SPAG8: variants seen among roughly 807,000 people sequenced by gnomAD.
SPAG8 encodes the protein sperm associated antigen 8, also known as sperm-associated antigen 8.
A neutral mutation model predicts 45.3 loss-of-function variants in SPAG8; 36 were observed. The observed-to-expected ratio is 0.80, with a 90% CI of 0.61 to 1.05. The LOEUF (loss-of-function observed/expected upper bound fraction) is 1.05. SPAG8 is among the 50% of genes least tolerant of loss of function. The pLI is 0.00. For synonymous variants in SPAG8, 227 were observed against 232.6 expected (o/e 0.98, Z 0.22); for missense variants, 573 against 609.2 (o/e 0.94, Z 0.63).
Position 35,811,786 on chromosome 9 carries a change from G to A in SPAG8, c.260C>T (p.Ser87Phe). 1 of 1,614,218 alleles carries A rather than the reference G, an allele frequency of 6.2e-7. No homozygotes were observed. Among genetic ancestry groups the A allele is most frequent in the South Asian group, 1.1e-5 (1 of 91,084 alleles). The change falls in exon 2 of 7, where the codon TCC becomes TTC. Residue 87 changes from serine (S) to phenylalanine (F), a missense_variant. Physicochemically the swap from Ser to Phe is radical, Grantham distance 155. Coordinates refer to ENST00000396638, the MANE Select transcript of SPAG8 (RefSeq NM_001039592.2). Reference protein sequence around the residue: ...PAPCSEFMEPSSDPSLLGEPC... With the variant: ...PAPCSEFMEPFSDPSLLGEPC... ...CTCCCCAAGAAGGCTGGGGTCAGAG[G>A]ACGGCTCCATGAACTCAGAACAGGG...
At chr9:35,808,968 C>A, downstream of SPAG8, 2 of 935,198 alleles carry the variant, frequency 2.1e-6, no homozygotes, top group Non-Finnish European at 3.5e-6. This position sits in a 1 kb window ranked among gnomAD's most constrained non-coding sequence, Gnocchi z 4.0. Flanking sequence ...AGTGTCGCAT[C>A]CTCGGGCATA....
Position 35,812,080 on chromosome 9 carries a change from T to G in SPAG8, c.44+24A>C. ...CTGACCTTCCTCGTCCCCTTATGCC[T>G]GCAGCCAGAGCTGCGGCTCTCACCG... On this transcript the variant is annotated intron_variant, in intron 1 of 6. Coordinates refer to ENST00000396638, the MANE Select transcript of SPAG8 (RefSeq NM_001039592.2). The G allele has an allele frequency of 1.2e-6, 2 of 1,612,298 alleles. 1 individual carries two copies. Among genetic ancestry groups the G allele is most frequent in the Non-Finnish European group, 1.7e-6 (2 of 1,179,850 alleles).
downstream of SPAG8, chr9:35,808,910 C>T (rs1471097977): frequency 1.8e-6 from 2 of 1,123,040 alleles, no homozygotes; most frequent in East Asian, 2.3e-5. This position sits in a 1 kb window ranked among gnomAD's most constrained non-coding sequence, Gnocchi z 4.0. Flanking sequence ...CCCTTTTCTT[C>T]TTTTCATAAT....
intron 5 of SPAG8, 52 bp from the exon 6 acceptor site, chr9:35,810,361 C>T: frequency 6.2e-7 from 1 of 1,612,852 alleles, no homozygotes; most frequent in South Asian, 1.1e-5. Flanking sequence ...CTCTCTCAAC[C>T]TCTGGGCTTG....
At position 35,811,173 on chromosome 9, in the gene SPAG8, C is replaced by T; in HGVS notation, c.864+9G>A. 6.4e-7 allele frequency: 1 copy of T among 1,558,994 alleles called. No individual in the cohort carries two copies. Among genetic ancestry groups the T allele is most frequent in the Non-Finnish European group, 8.7e-7 (1 of 1,153,862 alleles). ...TTCAAGAAAAGGGAGCAGGCCAAAACTTTAATACCTCTTCCTCCCAGTTGT... is the reference window on the plus strand; with the variant it reads ...TTCAAGAAAAGGGAGCAGGCCAAAATTTTAATACCTCTTCCTCCCAGTTGT... On this transcript the variant is annotated intron_variant, in intron 2 of 6. Coordinates refer to ENST00000396638, the MANE Select transcript of SPAG8 (RefSeq NM_001039592.2).
rs143976174 is a variant in SPAG8, at chr9:35,811,882, G to A, written c.164C>T (p.Ala55Val). Residue 55 changes from alanine to valine, a missense_variant, in exon 2 of 7, where the codon GCA becomes GTA. Transcript: ENST00000396638. ...GGCTGCAGTAGCTGCAGCAGCTGAT[G>A]CAGCCGCTGCAGCTGCTGCGGTTGC... The part of the protein sequence containing the change: ...AAATAAAAAA[A>V]SAAAATAAFT... 5.0e-5 allele frequency: 80 copies of A among 1,608,596 alleles called. No homozygotes were observed. Among genetic ancestry groups the A allele is most frequent in the Non-Finnish European group, 6.6e-5 (78 of 1,176,718 alleles).
Position 35,810,420 on chromosome 9 carries a change from A to C in SPAG8, c.1200+19T>G. 1 of 798,698 alleles carries C rather than the reference A, an allele frequency of 1.3e-6. No homozygotes were observed. The highest frequency in any genetic ancestry group is 2.1e-6 in the Non-Finnish European group (1 of 486,900). The allele number at this position is 798,698 out of a possible 1,614,324, so 49.5% of individuals were successfully genotyped here. The stretch of plus-strand genomic sequence containing the variant: ...GCCCAGCTGGTGCAAGTGGCGGGGG[A>C]TGGGGGGTGGGTTCTCACCTTTGTT... On this transcript the variant is annotated intron_variant, in intron 5 of 6. Transcript: ENST00000396638.
rs1408379884 is a variant in SPAG8 at position 35,810,873 on chromosome 9, C to A, written c.1039+10G>T. The A allele has an allele frequency of 6.2e-6, 10 of 1,610,900 alleles. No homozygotes were observed. Among genetic ancestry groups the A allele is most frequent in the Non-Finnish European group, 8.5e-6 (10 of 1,178,600 alleles). ...GGGCTCGTTCTGGCCTACCCTCTCA[C>A]ATTTCACACCTCGAAGTGGCCAATA... is the stretch of plus-strand genomic sequence containing the variant. On this transcript the variant is annotated intron_variant, in intron 3 of 6. Transcript: ENST00000396638.
At chr9:35,808,910 C>A, downstream of SPAG8, 1 of 1,123,158 alleles carries the variant, frequency 8.9e-7, no homozygotes, top group Non-Finnish European at 1.4e-6. This position sits in a 1 kb window ranked among gnomAD's most constrained non-coding sequence, Gnocchi z 4.0. Context: ...CCCTTTTCTT[C>A]TTTTCATAAT....
chr9:35,811,719 C>T lies in SPAG8; in HGVS notation c.327G>A (p.Gly109=), dbSNP rs1828812209. 3.1e-6 allele frequency: 5 copies of T among 1,614,238 alleles called. No individual in the cohort carries two copies. Among genetic ancestry groups the T allele is most frequent in the Non-Finnish European group, 4.2e-6 (5 of 1,180,044 alleles). ...CATAGACGGGCTCAAAGCCAAGACT[C>T]CCATGGGCTATATTGTGGGTAAAGC... ...GPGFTHNIAH[G]SLGFEPVYVS... The change falls in exon 2 of 7, where the codon GGG becomes GGA. Residue 109 remains glycine (G), a synonymous_variant. Coordinates refer to ENST00000396638, the MANE Select transcript of SPAG8 (RefSeq NM_001039592.2).
Position 35,809,984 on chromosome 9 carries a change from G to A in SPAG8, c.1412C>T (p.Pro471Leu). 3 of 1,605,004 alleles carry A rather than the reference G, an allele frequency of 1.9e-6. No homozygotes were observed. Among genetic ancestry groups the A allele is most frequent in the Non-Finnish European group, 1.7e-6 (2 of 1,175,450 alleles). ...QLGEISSLPC[P>L]GGRLGGGGGR... is the part of the protein sequence containing the mutation. ...CCCTCCACCACCCAGCCTTCCTCCG[G>A]GACAGGGAAGGGAAGATATTTCTCC... The change falls in exon 7 of 7, where the codon CCC (proline) becomes CTC (leucine). Residue 471 changes from proline to leucine, a missense_variant. Coordinates refer to ENST00000396638, the MANE Select transcript of SPAG8 (RefSeq NM_001039592.2). This position sits in a 1 kb window ranked among gnomAD's most constrained non-coding sequence, Gnocchi z 4.1.
downstream of SPAG8, chr9:35,809,238 G>A (rs5818): frequency 6.2e-7 from 1 of 1,613,962 alleles, no homozygotes; most frequent in Non-Finnish European, 8.5e-7. This position sits in a 1 kb window ranked among gnomAD's most constrained non-coding sequence, Gnocchi z 4.1. Flanking sequence ...GGGGGGATGT[G>A]GAAATGAAGG....
chr9:35,808,367 C>A, downstream of SPAG8: 3 of 1,412,748 alleles, frequency 2.1e-6, no homozygotes, highest in Non-Finnish European at 3.0e-6. The surrounding 1 kb of genome is among the most constrained non-coding windows in gnomAD (Gnocchi z 4.0). Context: ...AGACTCAGGA[C>A]CATGGCACTT....
downstream of SPAG8, chr9:35,808,294 T>C (rs746085961): frequency 6.2e-7 from 1 of 1,609,600 alleles, no homozygotes. This position sits in a 1 kb window ranked among gnomAD's most constrained non-coding sequence, Gnocchi z 4.0. Context: ...GTTTACTGAG[T>C]ATTCACCAGG....
chr9:35,809,508 C>T (rs1329651729), downstream of SPAG8: 1 of 1,613,220 alleles, frequency 6.2e-7, no homozygotes, highest in Admixed American at 1.7e-5. This position sits in a 1 kb window ranked among gnomAD's most constrained non-coding sequence, Gnocchi z 4.1. Flanking sequence ...CAATGGCCAC[C>T]ATGTCTGCAC....
downstream of SPAG8, chr9:35,808,713 C>A (rs1320990730): frequency 1.2e-6 from 2 of 1,612,512 alleles, no homozygotes; most frequent in African/African-American, 2.7e-5. This position sits in a 1 kb window ranked among gnomAD's most constrained non-coding sequence, Gnocchi z 4.0. Flanking sequence ...CAGCCCTAGT[C>A]TCCACCTTTC....
At chr9:35,811,080 C>G in intron 2 of SPAG8, 23 bp from the exon 3 acceptor site, 1 of 1,605,390 alleles carries the variant, frequency 6.2e-7, no homozygotes, top group East Asian at 2.2e-5. Context: ...AGTTGAATGA[C>G]TATAATATCC....
At position 35,809,814 on chromosome 9, in the gene SPAG8, G is replaced by C; in HGVS notation, c.*124C>G. ...ACAGAATCACTAAATTAGCAGTCTTGGGATGAGAGAGAACCCTTTATGTAA... is the reference window on the plus strand; with the variant it reads ...ACAGAATCACTAAATTAGCAGTCTTCGGATGAGAGAGAACCCTTTATGTAA... On this transcript the variant is annotated 3_prime_UTR_variant, in exon 7 of 7. Coordinates refer to ENST00000396638, the MANE Select transcript of SPAG8 (RefSeq NM_001039592.2). This position sits in a 1 kb window ranked among gnomAD's most constrained non-coding sequence, Gnocchi z 4.1. The C allele has an allele frequency of 6.5e-7, 1 of 1,547,458 alleles. No homozygotes were observed. Among genetic ancestry groups the C allele is most frequent in the Non-Finnish European group, 8.7e-7 (1 of 1,156,014 alleles).
At position 35,809,946 on chromosome 9, in the gene SPAG8, G is replaced by T; in HGVS notation, c.1450C>A (p.Pro484Thr). 1 of 1,576,398 alleles carries T rather than the reference G, an allele frequency of 6.3e-7. No homozygotes were observed. Among genetic ancestry groups the T allele is most frequent in the Non-Finnish European group, 8.6e-7 (1 of 1,163,326 alleles). Reference protein sequence around the residue: ...RLGGGGGRMTPF With the variant: ...RLGGGGGRMTTF The stretch of plus-strand genomic sequence containing the variant: ...ACTTCCCTCCTCACCCCTCAGAAAG[G>T]AGTCATTCTCCCCCCTCCACCACCC... The change falls in exon 7 of 7, where the codon CCT (proline) becomes ACT (threonine). Residue 484 changes from proline (P) to threonine (T), a missense_variant. Coordinates refer to ENST00000396638, the MANE Select transcript of SPAG8 (RefSeq NM_001039592.2). This position sits in a 1 kb window ranked among gnomAD's most constrained non-coding sequence, Gnocchi z 4.1.
Sources: gnomAD v4.1 joint callset for allele counts on GRCh38, gnomAD v4.1.1 for gene constraint, Gnocchi (gnomAD v3.1) non-coding constraint, MANE v1.5 for transcripts, NCBI Gene and HGNC (gene_info 2026-07-23, HGNC 2026-07-21) for gene names.